PCCA: variants seen among roughly 807,000 people sequenced by gnomAD.
PCCA encodes propionyl-CoA carboxylase subunit alpha, also known as propionyl-CoA carboxylase alpha chain, mitochondrial.
In PCCA, 74 loss-of-function variants were observed where a neutral mutation model predicts 101.3. The observed-to-expected ratio is 0.73, with a 90% CI of 0.61 to 0.89. The LOEUF (loss-of-function observed/expected upper bound fraction) is 0.89. PCCA is among the 40% of genes least tolerant of loss of function. The pLI is 0.00. For synonymous variants in PCCA, 294 were observed against 313.6 expected, an observed-to-expected ratio of 0.94 and a Z score of 0.66; for missense variants, 891 against 907.0, an observed-to-expected ratio of 0.98 and a Z score of 0.23.
intron 1 of PCCA, among the ~76,000 whole-genome samples, chr13:100,091,783 T>A (rs1415287393): frequency 6.6e-6 from 1 of 152,246 alleles, no homozygotes; most frequent in Non-Finnish European, 1.5e-5. Flanking sequence ...TTGTTTTGTG[T>A]ATCAGCTTTT....
At chr13:100,252,376 C>T (rs1193544839) in intron 8 of PCCA, among the ~76,000 whole-genome samples, 1 of 152,178 alleles carries the variant, frequency 6.6e-6, no homozygotes, top group Non-Finnish European at 1.5e-5. Context: ...CTGATTAGTA[C>T]CGCTGGATTA....
chr13:100,452,589 C>T (rs1034545473), intron 21 of PCCA, among the ~76,000 whole-genome samples: 3 of 152,176 alleles, frequency 2.0e-5, no homozygotes, highest in Non-Finnish European at 4.4e-5. Flanking sequence ...TCCCTGGTCA[C>T]GCCGCTTACA....
intron 7 of PCCA, among the ~76,000 whole-genome samples, chr13:100,235,567 TC>T (rs1279855750): frequency 6.6e-6 from 1 of 152,220 alleles, no homozygotes; most frequent in Non-Finnish European, 1.5e-5. Context: ...GCCATTAAAT[TC>T]CGGCAACTGC....
chr13:100,498,112 C>A (rs9557439), intron 21 of PCCA, among the ~76,000 whole-genome samples: 14,690 of 151,852 alleles, frequency 0.097, 809 homozygotes, highest in Middle Eastern at 0.23. Context: ...AAGTAATCCT[C>A]TCACCTCAGC....
chr13:100,395,328 C>T (rs1054033156), intron 19 of PCCA, among the ~76,000 whole-genome samples: 2 of 152,166 alleles, frequency 1.3e-5, no homozygotes, highest in Non-Finnish European at 2.9e-5. Context: ...CTGATCTTTT[C>T]CATCTTATTC....
In PCCA at chr13:100,491,775, A is replaced by G. The variant is rs947998157; in HGVS notation, c.1900-23652A>G. On this transcript the variant is annotated intron_variant, in intron 21 of 23. Coordinates refer to ENST00000376285, the MANE Select transcript of PCCA (RefSeq NM_000282.4). ...TTGTACAAGCTCTTTTGGATTTGTA[A>G]CACTTTTATTTTAAATCTCCAATAA... 1.8e-5 allele frequency: 21 copies of G among 1,182,548 alleles called. No individual in the cohort carries two copies. In the African/African-American group the frequency reaches 3.4e-4, roughly 19 times the overall value. 73.3% of individuals were successfully genotyped at this position (1,182,548 alleles called of 1,614,324 possible).
In PCCA at chr13:100,265,520, T is replaced by C. The variant is rs1595014288; in HGVS notation, c.819+2689T>C. On this transcript the variant is annotated intron_variant, in intron 10 of 23. Transcript: ENST00000376285. ...TCTCTTTAGGTTCTTTGAATTTCCG[T>C]GAAAAGTTTAGACTTCACCTGTCAA... is the stretch of plus-strand genomic sequence containing the variant. 2.0e-5 allele frequency among the ~76,000 whole-genome samples: 3 copies of C among 152,288 alleles called. No homozygotes were observed. In the South Asian group the frequency reaches 6.2e-4, roughly 32 times the overall value.
intron 20 of PCCA, among the ~76,000 whole-genome samples, chr13:100,439,531 T>C (rs2080190201): frequency 6.6e-6 from 1 of 152,180 alleles, no homozygotes. Context: ...TATTTTATTT[T>C]TTTACTATGT....
intron 21 of PCCA, among the ~76,000 whole-genome samples, chr13:100,471,298 A>G (rs2082990827): frequency 6.6e-6 from 1 of 152,200 alleles, no homozygotes; most frequent in South Asian, 2.1e-4. Flanking sequence ...CCCCAAAACA[A>G]TTTCAATGGT....
At chr13:100,340,342 G>A (rs1351897444) in intron 18 of PCCA, 83 bp downstream of exon 18, 2 of 789,188 alleles carry the variant, frequency 2.5e-6, no homozygotes, top group Non-Finnish European at 4.5e-6. Context: ...AATAAAAGAT[G>A]TGGCTGATCT....
chr13:100,283,154 A>G (rs988065404), intron 12 of PCCA, among the ~76,000 whole-genome samples: 1 of 152,202 alleles, frequency 6.6e-6, no homozygotes, highest in Non-Finnish European at 1.5e-5. Flanking sequence ...GAGAGACGTC[A>G]TGCTACTGTG....
chr13:100,248,076 G>A (rs187252744), intron 8 of PCCA, among the ~76,000 whole-genome samples: 2 of 149,366 alleles, frequency 1.3e-5, no homozygotes, highest in East Asian at 1.9e-4. Context: ...GTTGTTTTAG[G>A]TGTGTCTCTT....
chr13:100,391,514 G>A (rs2076799948), intron 19 of PCCA, among the ~76,000 whole-genome samples: 1 of 152,198 alleles, frequency 6.6e-6, no homozygotes, highest in African/African-American at 2.4e-5. Context: ...AGCAGGAGTT[G>A]ATGGGGTATC....
At chr13:100,478,662 G>A (rs985895166) in intron 21 of PCCA, among the ~76,000 whole-genome samples, 1 of 152,176 alleles carries the variant, frequency 6.6e-6, no homozygotes, top group Admixed American at 6.5e-5. Context: ...ACAGCCAGGC[G>A]TACTGTAGCG....
At chr13:100,468,225 C>T (rs76447124) in intron 21 of PCCA, among the ~76,000 whole-genome samples, 39 of 152,242 alleles carry the variant, frequency 2.6e-4, no homozygotes, top group East Asian at 2.1e-3. Context: ...TTTGTTTTTG[C>T]GTCCTAGAGT....
At chr13:100,255,598 A>T (rs1037980592) in intron 8 of PCCA, among the ~76,000 whole-genome samples, 5 of 152,130 alleles carry the variant, frequency 3.3e-5, no homozygotes, top group African/African-American at 1.2e-4. Flanking sequence ...GGGGGTAAGG[A>T]TCTATTAAGT....
chr13:100,350,379 G>A (rs1237866611), intron 18 of PCCA, among the ~76,000 whole-genome samples: 2 of 152,026 alleles, frequency 1.3e-5, no homozygotes, highest in African/African-American at 2.4e-5. Context: ...ATTTACAAAC[G>A]TATGTATACA....
chr13:100,423,107 A>G (rs1038705821), intron 19 of PCCA, among the ~76,000 whole-genome samples: 5 of 151,616 alleles, frequency 3.3e-5, no homozygotes, highest in Non-Finnish European at 7.4e-5. Flanking sequence ...GAAGCAGGCT[A>G]CAGCCTTTTT....
At chr13:100,196,311 C>G (rs1051494315) in intron 6 of PCCA, among the ~76,000 whole-genome samples, 2 of 152,118 alleles carry the variant, frequency 1.3e-5, no homozygotes, top group Non-Finnish European at 2.9e-5. Flanking sequence ...AAATGGAAAT[C>G]ATTTAATTGC....
Sources: allele counts gnomAD v4.1 joint callset (sites outside exome capture counted in the v4.1 genomes callset), GRCh38; gene constraint gnomAD v4.1.1; transcripts MANE v1.5; gene names NCBI Gene and HGNC (gene_info 2026-07-23, HGNC 2026-07-21).